BRWD3: variants seen among roughly 807,000 people sequenced by gnomAD.
BRWD3 encodes the protein bromodomain and WD repeat-containing protein 3.
Under a neutral mutation model 149.7 loss-of-function variants are expected in BRWD3, and 10 were observed. The observed-to-expected ratio is 0.07, with a 90% CI of 0.04 to 0.11. The LOEUF is 0.11. Ranked by LOEUF, BRWD3 falls within the 10% of genes least tolerant of loss-of-function variation. The pLI is 1.00. For missense variants in BRWD3, 940 were observed against 1,373.2 expected, an observed-to-expected ratio of 0.68 and a Z score of 4.99; for synonymous variants, 504 against 456.7, an observed-to-expected ratio of 1.10 and a Z score of -1.32.
At chrX:80,687,923 C>G in intron 34 of BRWD3, 146 bp downstream of exon 34, 1 of 504,513 alleles carries the variant, frequency 2.0e-6, no homozygotes, top group East Asian at 3.5e-5. Flanking sequence ...CTGCATCACT[C>G]TAATAAATAT....
chrX:80,771,603 CA>C (rs1178570378), intron 6 of BRWD3, among the ~76,000 whole-genome samples: 1 of 111,179 alleles, frequency 9.0e-6, no homozygotes, highest in Non-Finnish European at 1.9e-5. Context: ...TAACAAAAGC[CA>C]AAATTGACAA....
chrX:80,777,798 T>C (rs1309395355), intron 6 of BRWD3, among the ~76,000 whole-genome samples: 2 of 111,242 alleles, frequency 1.8e-5, no homozygotes, highest in African/African-American at 6.5e-5. Context: ...AATCCTTATG[T>C]AATTTTCTAA....
At chrX:80,805,933 C>G (rs1423311536) in intron 4 of BRWD3, among the ~76,000 whole-genome samples, 2 of 110,266 alleles carry the variant, frequency 1.8e-5, no homozygotes, top group Non-Finnish European at 3.8e-5. Context: ...GACTCCCTCT[C>G]AAAAAAAAGA....
At chrX:80,738,640 A>C (rs2073440936) in intron 8 of BRWD3, among the ~76,000 whole-genome samples, 1 of 110,523 alleles carries the variant, frequency 9.0e-6, no homozygotes, top group Admixed American at 9.7e-5. Context: ...TGGGGGGGGC[A>C]GTGGTTTACA....
intron 4 of BRWD3, among the ~76,000 whole-genome samples, chrX:80,801,214 CTTTTTTTTTTT>C (rs763933804): frequency 5.2e-5 from 3 of 57,391 alleles, no homozygotes; most frequent in Non-Finnish European, 9.0e-5. Context: ...GAGAAAACAT[CTTTTTTTTTTT>C]TTTTTTTTTT....
At chrX:80,688,524 T>C (rs964581691) in intron 33 of BRWD3, among the ~76,000 whole-genome samples, 6 of 111,501 alleles carry the variant, frequency 5.4e-5, no homozygotes, top group African/African-American at 9.7e-5. Context: ...TCATATAATA[T>C]GCATTTATAT....
At chrX:80,804,912 C>T (rs1001455092) in intron 4 of BRWD3, among the ~76,000 whole-genome samples, 1 of 111,973 alleles carries the variant, frequency 8.9e-6, no homozygotes, top group Non-Finnish European at 1.9e-5. Flanking sequence ...AAAATTTTCC[C>T]TCTATCATTA....
At chrX:80,686,471 CATACTGGT>C (rs1180730238) in intron 35 of BRWD3, among the ~76,000 whole-genome samples, 2 of 108,112 alleles carry the variant, frequency 1.8e-5, no homozygotes, top group African/African-American at 6.7e-5. Context: ...AAAGAAAAGT[CATACTGGT>C]ATACTGGTTA....
intron 8 of BRWD3, among the ~76,000 whole-genome samples, chrX:80,739,644 A>G (rs1208466954): frequency 8.9e-6 from 1 of 111,832 alleles, no homozygotes; most frequent in Non-Finnish European, 1.9e-5. Context: ...GACCCTCCTT[A>G]TCTGCAGAGG....
intron 6 of BRWD3, among the ~76,000 whole-genome samples, chrX:80,749,882 G>A (rs751920587): frequency 6.3e-5 from 7 of 111,469 alleles, no homozygotes; most frequent in African/African-American, 1.6e-4. Context: ...TGATACTGAC[G>A]TAGAAACAGA....
At chrX:80,748,320 T>A (rs1393228216) in intron 6 of BRWD3, among the ~76,000 whole-genome samples, 8 of 112,425 alleles carry the variant, frequency 7.1e-5, no homozygotes, top group African/African-American at 1.3e-4. Context: ...GCCTTTTGCA[T>A]CTATTCTCAA....
chrX:80,706,583 G>A (rs1367508797), intron 22 of BRWD3, among the ~76,000 whole-genome samples: 4 of 111,791 alleles, frequency 3.6e-5, no homozygotes, highest in Non-Finnish European at 7.5e-5. Context: ...CCTGTTCAAC[G>A]GAAGGTATTC....
intron 4 of BRWD3, among the ~76,000 whole-genome samples, chrX:80,799,945 G>T (rs896516375): frequency 9.0e-6 from 1 of 111,475 alleles, no homozygotes; most frequent in Non-Finnish European, 1.9e-5. Context: ...GCAATGGAAA[G>T]AAGATTAAAT....
At chrX:80,710,835 T>C in intron 20 of BRWD3, 1 of 308,962 alleles carries the variant, frequency 3.2e-6, no homozygotes, top group Non-Finnish European at 5.9e-6. Flanking sequence ...GATGTGAGTT[T>C]TTTCTAAGCA....
At chrX:80,738,704 T>C (rs1283738776) in intron 8 of BRWD3, among the ~76,000 whole-genome samples, 1 of 111,509 alleles carries the variant, frequency 9.0e-6, no homozygotes, top group East Asian at 2.8e-4. Context: ...GAGGGTGACA[T>C]GTGCACAAAG....
intron 6 of BRWD3, among the ~76,000 whole-genome samples, chrX:80,766,654 C>CA (rs1264597167): frequency 2.7e-5 from 3 of 111,842 alleles, no homozygotes; most frequent in African/African-American, 9.8e-5. Flanking sequence ...CCAAGATGGC[C>CA]AAATAGGAAC....
At chrX:80,697,332 T>A (rs1251665545) in intron 25 of BRWD3, among the ~76,000 whole-genome samples, 2 of 111,549 alleles carry the variant, frequency 1.8e-5, no homozygotes, top group Non-Finnish European at 3.8e-5. Context: ...GTTTTTGTTT[T>A]ACTTCAGATT....
At chrX:80,767,084 T>G (rs1209903499) in intron 6 of BRWD3, among the ~76,000 whole-genome samples, 1 of 112,140 alleles carries the variant, frequency 8.9e-6, no homozygotes, top group East Asian at 2.8e-4. Flanking sequence ...TGTTGAGGCT[T>G]AAGTAGGTAA....
At chrX:80,740,617 C>T (rs765213192) in intron 8 of BRWD3, among the ~76,000 whole-genome samples, 11 of 111,474 alleles carry the variant, frequency 9.9e-5, no homozygotes, top group Non-Finnish European at 1.7e-4. Flanking sequence ...GATGTGGTGG[C>T]GCATGCCGGT....
Sources: allele counts gnomAD v4.1 joint callset (sites outside exome capture counted in the v4.1 genomes callset), GRCh38; gene constraint gnomAD v4.1.1; transcripts MANE v1.5; gene names NCBI Gene and HGNC (gene_info 2026-07-23, HGNC 2026-07-21).